Variants in ZKSCAN2 observed in about 807,000 individuals in gnomAD.
ZKSCAN2 encodes zinc finger protein with KRAB and SCAN domains 2.
A neutral mutation model predicts 90.5 loss-of-function variants in ZKSCAN2; 38 were observed. That is an observed-to-expected ratio of 0.42 (90% CI 0.32 to 0.55). The LOEUF (loss-of-function observed/expected upper bound fraction) is 0.55. Among genes scored for constraint, ZKSCAN2 ranks in the 20% least tolerant of loss-of-function variants. ZKSCAN2 has a pLI of 0.11. For synonymous variants in ZKSCAN2, 429 were observed against 421.6 expected (o/e 1.02, Z -0.22); for missense variants, 1,167 against 1,202.6 (o/e 0.97, Z 0.44).
chr16:25,246,155 C>CT (rs1013688628), intron 5 of ZKSCAN2: 1 of 153,338 alleles, frequency 6.5e-6, no homozygotes, highest in Admixed American at 6.5e-5. Flanking sequence ...AATCTTAGTT[C>CT]TTTAAGTTTG....
rs1158780371 is a variant in ZKSCAN2, at chr16:25,244,251, G to C, written c.1515C>G (p.Thr505=). The part of the protein sequence containing the change: ...LSGVHWGYEE[T]KTFLDILRET... ...CACGGAGGATATCAAGAAAAGTCTT[G>C]GTTTCTTCATAGCCCCAGTGCACGC... The change falls in exon 6 of 7, where the codon ACC becomes ACG. Residue 505 remains threonine, a synonymous_variant. Transcript: ENST00000328086. The C allele has an allele frequency of 1.2e-6, 2 of 1,613,676 alleles. No homozygotes were observed. The highest frequency in any genetic ancestry group is 3.3e-5 in the Admixed American group (2 of 59,982).
Position 25,237,372 on chromosome 16 carries a change from G to GGT in ZKSCAN2, c.*2443_*2444insAC, listed in dbSNP as rs1474325758. ...CAGCCCATTTACAATTAGGAGTAGAGATAGGGGAACCCAAATTCCACCTCA... is the reference window on the plus strand; with the variant it reads ...CAGCCCATTTACAATTAGGAGTAGAGGTATAGGGGAACCCAAATTCCACCTCA... On this transcript the variant is annotated 3_prime_UTR_variant, in exon 7 of 7. Transcript: ENST00000328086. 4.6e-5 allele frequency: 7 copies of GGT among 152,158 alleles called. No homozygotes were observed. Among genetic ancestry groups the GGT allele is most frequent in the Non-Finnish European group, 1.0e-4 (7 of 68,036 alleles). 9.4% of individuals were successfully genotyped at this position (152,158 alleles called of 1,614,324 possible).
intron 3 of ZKSCAN2, among the ~76,000 whole-genome samples, chr16:25,252,468 T>C (rs1265319933): frequency 2.0e-5 from 3 of 152,026 alleles, no homozygotes; most frequent in Admixed American, 2.0e-4. Flanking sequence ...ACTTTTATAC[T>C]CTTGTGGGGA....
chr16:25,255,248 G>A lies in ZKSCAN2; in HGVS notation c.544C>T (p.Gln182Ter), dbSNP rs766964408. ...CGACGTTCTCGCTTTCGGTTCAGCT[G>A]TTCCTGGTGTCCTGAGTGGAGGCTT... ...PGSLHSGHQE[Q>*]LNRKRERRPL... Residue 182 changes from glutamine (Q) to a stop codon, truncating the protein, a stop_gained, in exon 2 of 7, where the codon CAG becomes TAG. Transcript: ENST00000328086. LOFTEE classifies it high-confidence loss of function. The A allele has an allele frequency of 1.2e-6, 2 of 1,611,024 alleles. No homozygotes were observed. Among genetic ancestry groups the A allele is most frequent in the Non-Finnish European group, 1.7e-6 (2 of 1,179,316 alleles).
chr16:25,255,941 T>C (rs1963095156), intron 1 of ZKSCAN2, among the ~76,000 whole-genome samples: 2 of 152,210 alleles, frequency 1.3e-5, no homozygotes, highest in African/African-American at 4.8e-5. Flanking sequence ...AGAGCCTCCT[T>C]GTTGCTAGAA....
chr16:25,240,075 G>C lies in ZKSCAN2; in HGVS notation c.2645C>G (p.Thr882Ser). The change falls in exon 7 of 7, where the codon ACT becomes AGT. Residue 882 changes from threonine to serine, a missense_variant. Thr to Ser is a moderately conservative substitution (Grantham distance 58). Coordinates refer to ENST00000328086, the MANE Select transcript of ZKSCAN2 (RefSeq NM_001012981.5). The stretch of plus-strand genomic sequence containing the variant: ...CACACATTTGTAGGGATTCTCCCCA[G>C]TGTGAACTCTCCGGTGGGCGCTGAA... ...SHFSAHRRVH[T>S]GENPYKCVDC... 1 of 1,614,032 alleles carries C rather than the reference G, an allele frequency of 6.2e-7. No individual in the cohort carries two copies. The highest frequency in any genetic ancestry group is 1.1e-5 in the South Asian group (1 of 91,074).
chr16:25,236,106 TC>T lies in ZKSCAN2; in HGVS notation c.*3709del, dbSNP rs1426575288. 1.3e-5 allele frequency: 2 copies of T among 152,234 alleles called. No individual in the cohort carries two copies. The highest frequency in any genetic ancestry group is 2.9e-5 in the Non-Finnish European group (2 of 68,044). The allele number at this position is 152,234 out of a possible 1,614,324, so 9.4% of individuals were successfully genotyped here. On this transcript the variant is annotated 3_prime_UTR_variant, in exon 7 of 7. Coordinates refer to ENST00000328086, the MANE Select transcript of ZKSCAN2 (RefSeq NM_001012981.5). ...ACTGATACAAAACAATGAATGGACATCCATTTGCACCAGGTCTTGGAATGCA... is the reference window on the plus strand; with the variant it reads ...ACTGATACAAAACAATGAATGGACATCATTTGCACCAGGTCTTGGAATGCA...
At chr16:25,244,496 T>C (rs1418641518) in intron 5 of ZKSCAN2, among the ~76,000 whole-genome samples, 1 of 152,194 alleles carries the variant, frequency 6.6e-6, no homozygotes, top group East Asian at 1.9e-4. Context: ...TGTTTATGAA[T>C]AGGAAGACTC....
At chr16:25,254,075 C>G (rs1963059880) in intron 2 of ZKSCAN2, among the ~76,000 whole-genome samples, 1 of 152,086 alleles carries the variant, frequency 6.6e-6, no homozygotes, top group African/African-American at 2.4e-5. Context: ...GTATCCTGAC[C>G]AAGGCCACAT....
At chr16:25,246,229 C>CT (rs1962931874) in intron 5 of ZKSCAN2, 1 of 154,198 alleles carries the variant, frequency 6.5e-6, no homozygotes, top group African/African-American at 2.4e-5. Context: ...ATTTTGTATT[C>CT]TTTTTTCTCT....
At chr16:25,241,449 G>A (rs1473110011) in intron 6 of ZKSCAN2, among the ~76,000 whole-genome samples, 1 of 152,122 alleles carries the variant, frequency 6.6e-6, no homozygotes, top group East Asian at 1.9e-4. Flanking sequence ...TGTGATTTTT[G>A]TATTAACTTA....
rs201935635 is a variant in ZKSCAN2, at chr16:25,246,836, C to A, written c.1360G>T (p.Ala454Ser). The A allele has an allele frequency of 1.3e-4, 211 of 1,614,238 alleles. 3 individuals are homozygous for A. The East Asian group carries it at 4.6e-3, about 35-fold the overall frequency. Residue 454 changes from alanine (A) to serine (S), a missense_variant, in exon 5 of 7, where the codon GCT becomes TCT. Coordinates refer to ENST00000328086, the MANE Select transcript of ZKSCAN2 (RefSeq NM_001012981.5). ...VPRLKRIAIS[A>S]KEHISLVEEE... ...TCCACCAAGCTGATGTGTTCCTTAG[C>A]ACTGATGGCAATTCTCTTCAGTCTG...
Position 25,247,293 on chromosome 16 carries a change from T to C in ZKSCAN2, c.903A>G (p.Leu301=), listed in dbSNP as rs761460597. 62 of 1,614,072 alleles carry C rather than the reference T, an allele frequency of 3.8e-5. No homozygotes were observed. Among genetic ancestry groups the C allele is most frequent in the Non-Finnish European group, 4.9e-5 (58 of 1,180,044 alleles). The change falls in exon 5 of 7, where the codon CTA becomes CTG. Residue 301 remains leucine (L), a synonymous_variant. Coordinates refer to ENST00000328086, the MANE Select transcript of ZKSCAN2 (RefSeq NM_001012981.5). ...GLHSSNKRSI[L]RSNYVKEKSV... ...ACTTTTCCTTGACGTAGTTGCTTCG[T>C]AGGATACTTCTCTTGTTAGAGGAAT...
chr16:25,245,816 C>G (rs903548855), intron 5 of ZKSCAN2, among the ~76,000 whole-genome samples: 1 of 150,006 alleles, frequency 6.7e-6, no homozygotes, highest in Non-Finnish European at 1.5e-5. Flanking sequence ...AGTAAAGAAA[C>G]ATTACTAATA....
Position 25,244,289 on chromosome 16 carries a change from G to T in ZKSCAN2, c.1490-13C>A. The stretch of plus-strand genomic sequence containing the variant: ...CCCCAGTGCACGCCTGCCATTTGGG[G>T]ATAAAGTTCACAATGTAACAAAGAA... On this transcript the variant is annotated splice_polypyrimidine_tract_variant and intron_variant, in intron 5 of 6. Transcript: ENST00000328086. 1 of 1,606,104 alleles carries T rather than the reference G, an allele frequency of 6.2e-7. No individual in the cohort carries two copies. Among genetic ancestry groups the T allele is most frequent in the East Asian group, 2.2e-5 (1 of 44,724 alleles).
At chr16:25,255,041 T>G (rs141496815) in intron 2 of ZKSCAN2, among the ~76,000 whole-genome samples, 165 bp downstream of exon 2, 1 of 152,064 alleles carries the variant, frequency 6.6e-6, no homozygotes, top group South Asian at 2.1e-4. Flanking sequence ...TATGATACCT[T>G]TTCACTTATA....
chr16:25,255,958 T>C (rs1963095487), intron 1 of ZKSCAN2, among the ~76,000 whole-genome samples: 1 of 152,186 alleles, frequency 6.6e-6, no homozygotes. Context: ...AGAATAGATA[T>C]TATTTGACTC....
intron 4 of ZKSCAN2, among the ~76,000 whole-genome samples, chr16:25,247,912 G>A (rs896577505): frequency 6.6e-6 from 1 of 152,140 alleles, no homozygotes; most frequent in African/African-American, 2.4e-5. Context: ...ACAAAGACCA[G>A]TAGAACAGAA....
intron 4 of ZKSCAN2, 23 bp downstream of exon 4, chr16:25,251,886 T>A (rs748577290): frequency 6.2e-6 from 10 of 1,612,420 alleles, no homozygotes; most frequent in Non-Finnish European, 8.5e-6. Context: ...AGTCTTATAT[T>A]TGGAAAGGGA....
Sources: allele counts gnomAD v4.1 joint callset (sites outside exome capture counted in the v4.1 genomes callset), GRCh38; gene constraint gnomAD v4.1.1; transcripts MANE v1.5; gene names NCBI Gene and HGNC (gene_info 2026-07-23, HGNC 2026-07-21).